The following SORCS1 variants were observed in gnomAD, a reference collection of about 807,000 sequenced individuals.
SORCS1 encodes VPS10 domain-containing receptor SorCS1.
In SORCS1, 60 loss-of-function variants were observed where a neutral mutation model predicts 146.1. The ratio of observed to expected loss-of-function variants is 0.41; its 90% CI spans 0.33 to 0.51. SORCS1 has a LOEUF of 0.51. Among genes scored for constraint, SORCS1 ranks in the 20% least tolerant of loss-of-function variants. SORCS1 has a pLI of 0.21. For synonymous variants in SORCS1, 637 were observed against 584.0 expected, an observed-to-expected ratio of 1.09 and a Z score of -1.31; for missense variants, 1,352 against 1,487.6, an observed-to-expected ratio of 0.91 and a Z score of 1.50.
intron 18 of SORCS1, among the ~76,000 whole-genome samples, chr10:106,632,216 T>C (rs1183017808): frequency 1.3e-5 from 2 of 152,224 alleles, no homozygotes; most frequent in Non-Finnish European, 2.9e-5. Flanking sequence ...GATAGGCCTC[T>C]TGGCTTGGAC....
At chr10:106,730,668 G>A (rs1191086316) in intron 5 of SORCS1, among the ~76,000 whole-genome samples, 2 of 152,084 alleles carry the variant, frequency 1.3e-5, no homozygotes, top group Non-Finnish European at 2.9e-5. Context: ...TTTCTGATAC[G>A]TGCCTGAAAC....
At chr10:106,744,818 G>C (rs1156977689) in intron 5 of SORCS1, among the ~76,000 whole-genome samples, 1 of 152,126 alleles carries the variant, frequency 6.6e-6, no homozygotes, top group African/African-American at 2.4e-5. Flanking sequence ...GTGTGTGTAT[G>C]TGTATAACAT....
At chr10:106,837,292 A>G (rs1357388700) in intron 2 of SORCS1, among the ~76,000 whole-genome samples, 1 of 152,164 alleles carries the variant, frequency 6.6e-6, no homozygotes, top group East Asian at 1.9e-4. Flanking sequence ...AAAATAGAAA[A>G]GAGGCAGCTC....
intron 3 of SORCS1, among the ~76,000 whole-genome samples, chr10:106,794,647 C>T (rs1027796604): frequency 4.6e-5 from 7 of 151,822 alleles, no homozygotes; most frequent in African/African-American, 9.7e-5. Flanking sequence ...GAACTACAGG[C>T]GCCCGCCACC....
chr10:106,741,338 C>A (rs959506065), intron 5 of SORCS1, among the ~76,000 whole-genome samples: 9 of 152,194 alleles, frequency 5.9e-5, no homozygotes, highest in Admixed American at 4.6e-4. Flanking sequence ...ATGACTCACA[C>A]CTGTAATTCT....
intron 2 of SORCS1, among the ~76,000 whole-genome samples, chr10:106,909,889 C>A (rs1952066817): frequency 6.6e-6 from 1 of 152,088 alleles, no homozygotes. Flanking sequence ...CATGTGGTTG[C>A]TGATATGGGG....
intron 2 of SORCS1, among the ~76,000 whole-genome samples, chr10:106,944,326 C>T (rs982796030): frequency 6.6e-6 from 1 of 152,174 alleles, no homozygotes; most frequent in African/African-American, 2.4e-5. Flanking sequence ...TGATTTAGTG[C>T]AATTTCCTCA....
At chr10:106,812,198 C>T (rs941671600) in intron 3 of SORCS1, among the ~76,000 whole-genome samples, 1 of 152,122 alleles carries the variant, frequency 6.6e-6, no homozygotes, top group East Asian at 1.9e-4. Context: ...GACGTGGTTT[C>T]ACTGTGTTAG....
intron 5 of SORCS1, among the ~76,000 whole-genome samples, chr10:106,760,881 T>C (rs1032035788): frequency 1.1e-4 from 17 of 151,994 alleles, no homozygotes; most frequent in Admixed American, 2.6e-4. Flanking sequence ...CTGAGGTGGG[T>C]GGACCACTTG....
chr10:107,126,577 T>C (rs1468982873), intron 1 of SORCS1, among the ~76,000 whole-genome samples: 2 of 152,132 alleles, frequency 1.3e-5, no homozygotes, highest in Admixed American at 1.3e-4. Context: ...TTTCCAGCCT[T>C]TGGGATGAAG....
At chr10:106,780,944 T>A (rs1371236708) in intron 3 of SORCS1, among the ~76,000 whole-genome samples, 1 of 151,634 alleles carries the variant, frequency 6.6e-6, no homozygotes, top group Non-Finnish European at 1.5e-5. Context: ...GAACATGAAA[T>A]GCAATTTATA....
At chr10:107,072,210 C>T (rs144084469) in intron 1 of SORCS1, among the ~76,000 whole-genome samples, 1 of 152,322 alleles carries the variant, frequency 6.6e-6, no homozygotes, top group Admixed American at 6.5e-5. Context: ...CTGAAGCACC[C>T]TCTGCTTGCA....
intron 14 of SORCS1, among the ~76,000 whole-genome samples, chr10:106,673,201 G>A (rs895179226): frequency 1.3e-5 from 2 of 149,752 alleles, no homozygotes; most frequent in African/African-American, 2.5e-5. Context: ...GTGCGATCTC[G>A]GCTCACTACA....
At chr10:106,965,633 T>C (rs373720932) in intron 1 of SORCS1, among the ~76,000 whole-genome samples, 44 of 152,282 alleles carry the variant, frequency 2.9e-4, no homozygotes, top group Admixed American at 1.0e-3. Flanking sequence ...AGAAGCTAAG[T>C]AAGTTAAATT....
At chr10:106,765,474 G>C (rs1859496792) in intron 4 of SORCS1, among the ~76,000 whole-genome samples, 1 of 151,984 alleles carries the variant, frequency 6.6e-6, no homozygotes, top group African/African-American at 2.4e-5. Flanking sequence ...AATTCCAAAG[G>C]ATGAAATTGC....
At chr10:106,861,973 G>A (rs936919353) in intron 2 of SORCS1, among the ~76,000 whole-genome samples, 1 of 152,184 alleles carries the variant, frequency 6.6e-6, no homozygotes, top group African/African-American at 2.4e-5. Flanking sequence ...TAGATGATGA[G>A]ATTTTCAGTC....
chr10:106,981,208 T>C (rs2139347342), intron 1 of SORCS1, among the ~76,000 whole-genome samples: 1 of 152,262 alleles, frequency 6.6e-6, no homozygotes, highest in South Asian at 2.1e-4. Flanking sequence ...AGGAAGGAAA[T>C]GTTGCTGAAA....
chr10:107,180,961 A>G, the SORCS1 span, among the ~76,000 whole-genome samples: 1 of 152,234 alleles, frequency 6.6e-6, no homozygotes, highest in Non-Finnish European at 1.5e-5. Context: ...TTCTAACACA[A>G]TGGTAAGTAT....
Position 106,592,069 on chromosome 10 carries a change from A to G in SORCS1, c.3265+5282T>C, listed in dbSNP as rs117985356. Reference sequence around the variant, plus strand: ...GCTGCCATCAGGTACTAAAAGTCAAAGGGAGCCACTCAGGCCATGACCCTC... The same window carrying G: ...GCTGCCATCAGGTACTAAAAGTCAAGGGGAGCCACTCAGGCCATGACCCTC... On this transcript the variant is annotated intron_variant, in intron 24 of 25. Transcript: ENST00000263054. Among the ~76,000 whole-genome samples, 1,519 of 152,290 alleles carry G rather than the reference A, an allele frequency of 1.0e-2. 15 individuals carry two copies. Among genetic ancestry groups the G allele is most frequent in the Non-Finnish European group, 0.014 (931 of 68,028 alleles).
Sources: gnomAD v4.1 joint callset for allele counts (sites outside exome capture counted in the v4.1 genomes callset) on GRCh38, gnomAD v4.1.1 for gene constraint, MANE v1.5 for transcripts, NCBI Gene and HGNC (gene_info 2026-07-23, HGNC 2026-07-21) for gene names.